CRHR1: variants seen among roughly 807,000 people sequenced by gnomAD.
CRHR1 encodes the protein corticotropin releasing hormone receptor 1.
A neutral mutation model predicts 56.0 loss-of-function variants in CRHR1; 28 were observed. That is an observed-to-expected ratio of 0.50 (90% CI 0.37 to 0.69). The LOEUF (loss-of-function observed/expected upper bound fraction) is 0.69. Ranked by LOEUF, CRHR1 falls within the 30% of genes least tolerant of loss-of-function variation. The pLI is 0.00. For missense variants in CRHR1, 376 were observed against 548.0 expected (o/e 0.69, Z 3.13); for synonymous variants, 195 against 216.5 (o/e 0.90, Z 0.87).
At chr17:45,793,634 C>T (rs1443934760) in intron 1 of CRHR1, among the ~76,000 whole-genome samples, 1 of 152,136 alleles carries the variant, frequency 6.6e-6, no homozygotes, top group African/African-American at 2.4e-5. Flanking sequence ...CGTCTTTTCT[C>T]TCCTGATGGC....
intron 4 of CRHR1, chr17:45,825,761 G>A (rs1490780401): frequency 1.3e-5 from 2 of 152,398 alleles, no homozygotes; most frequent in East Asian, 1.9e-4. Flanking sequence ...TTTGAGGATC[G>A]AGGGGCTGGA....
chr17:45,799,643 A>T (rs1318070067), intron 1 of CRHR1: 2 of 152,224 alleles, frequency 1.3e-5, no homozygotes, highest in Non-Finnish European at 2.9e-5. Flanking sequence ...TGGGGTCACC[A>T]GGTACATCTT....
At chr17:45,785,997 T>A (rs1353478479) in intron 1 of CRHR1, among the ~76,000 whole-genome samples, 1 of 152,088 alleles carries the variant, frequency 6.6e-6, no homozygotes, top group South Asian at 2.1e-4. Context: ...GGTCGAGTAG[T>A]TGGCACTGAA....
intron 1 of CRHR1, among the ~76,000 whole-genome samples, chr17:45,796,171 G>C (rs2061512898): frequency 6.6e-6 from 1 of 152,182 alleles, no homozygotes; most frequent in South Asian, 2.1e-4. Flanking sequence ...AGTGTCACCT[G>C]CGTAGCTGGT....
chr17:45,820,316 C>A (rs1320878130), intron 3 of CRHR1, among the ~76,000 whole-genome samples: 1 of 152,158 alleles, frequency 6.6e-6, no homozygotes, highest in Non-Finnish European at 1.5e-5. Flanking sequence ...GGTGGGGCAA[C>A]CTCTGCCAGC....
chr17:45,785,993 G>A (rs1161274623), intron 1 of CRHR1, among the ~76,000 whole-genome samples: 2 of 152,244 alleles, frequency 1.3e-5, no homozygotes, highest in African/African-American at 4.8e-5. Flanking sequence ...GAGAGGTCGA[G>A]TAGTTGGCAC....
In CRHR1 at chr17:45,835,152, G is replaced by A. The variant is rs2062412363; in HGVS notation, c.*388G>A. On this transcript the variant is annotated 3_prime_UTR_variant, in exon 13 of 13. Transcript: ENST00000314537. ...TGGGGCTGCCCTCGGCAACCGTGGGGAGGCCATTTGCTGCCCTGGGGCATC... is the reference window on the plus strand; with the variant it reads ...TGGGGCTGCCCTCGGCAACCGTGGGAAGGCCATTTGCTGCCCTGGGGCATC... 1 of 218,616 alleles carries A rather than the reference G, an allele frequency of 4.6e-6. No homozygotes were observed. The highest frequency in any genetic ancestry group is 5.4e-5 in the Admixed American group (1 of 18,426). 13.5% of individuals were successfully genotyped at this position (218,616 alleles called of 1,614,324 possible). A position where few individuals can be genotyped will look rare whatever the true frequency, so the allele number is the denominator to read the frequency against.
chr17:45,792,048 C>G (rs2061436458), intron 1 of CRHR1, among the ~76,000 whole-genome samples: 2 of 152,128 alleles, frequency 1.3e-5, no homozygotes, highest in Non-Finnish European at 2.9e-5. Context: ...AGGCTGACTT[C>G]CAGAGGAGCA....
Position 45,830,211 on chromosome 17 carries a change from C to T in CRHR1, c.552C>T (p.Asn184=), listed in dbSNP as rs774890290. The part of the protein sequence containing the change: ...LTMSPEVHQS[N]VGWCRLVTAA... Reference sequence around the variant, plus strand: ...TGAGCCCCGAGGTCCACCAGAGCAACGTGGTACGTCCTGGCAGGGGAGCGG... The same window carrying T: ...TGAGCCCCGAGGTCCACCAGAGCAATGTGGTACGTCCTGGCAGGGGAGCGG... The change falls in exon 6 of 13, where the codon AAC becomes AAT. Residue 184 remains asparagine, a synonymous_variant. Transcript: ENST00000314537. 37 of 1,613,958 alleles carry T rather than the reference C, an allele frequency of 2.3e-5. No homozygotes were observed. The highest frequency in any genetic ancestry group is 1.1e-4 in the East Asian group (5 of 44,884).
intron 2 of CRHR1, among the ~76,000 whole-genome samples, chr17:45,808,103 A>G (rs2061753058): frequency 6.6e-6 from 1 of 152,192 alleles, no homozygotes; most frequent in Admixed American, 6.5e-5. Flanking sequence ...TGAAGCACCT[A>G]CTACACAGCA....
chr17:45,820,403 G>A (rs1014975179), intron 3 of CRHR1, among the ~76,000 whole-genome samples: 4 of 152,148 alleles, frequency 2.6e-5, no homozygotes, highest in African/African-American at 9.7e-5. Context: ...CTCAAGCCTG[G>A]TAGGCATGAA....
intron 4 of CRHR1, among the ~76,000 whole-genome samples, chr17:45,821,860 G>A (rs1412173601): frequency 2.6e-5 from 4 of 152,216 alleles, no homozygotes; most frequent in Non-Finnish European, 5.9e-5. Context: ...GGACGGGATG[G>A]AGGTAGCAAT....
At chr17:45,828,250 T>C (rs1202543990) in intron 4 of CRHR1, among the ~76,000 whole-genome samples, 5 of 152,236 alleles carry the variant, frequency 3.3e-5, no homozygotes, top group Admixed American at 6.5e-5. Flanking sequence ...TCCCCTATTA[T>C]GGGCTGGGGA....
intron 1 of CRHR1, among the ~76,000 whole-genome samples, chr17:45,792,239 G>A (rs2061439857): frequency 6.6e-6 from 1 of 152,110 alleles, no homozygotes; most frequent in Admixed American, 6.5e-5. Context: ...TTGCGTCCTG[G>A]GCTTGGTCTT....
At chr17:45,812,485 C>T (rs966671773) in intron 2 of CRHR1, among the ~76,000 whole-genome samples, 6 of 152,154 alleles carry the variant, frequency 3.9e-5, no homozygotes, top group African/African-American at 1.4e-4. Flanking sequence ...AGGAAAATAC[C>T]TCCACCTGCC....
At chr17:45,802,345 T>G (rs1367830207) in intron 1 of CRHR1, among the ~76,000 whole-genome samples, 1 of 152,120 alleles carries the variant, frequency 6.6e-6, no homozygotes, top group African/African-American at 2.4e-5. Flanking sequence ...AACAAAAAAA[T>G]TCTCCATTTT....
rs141089466 is a variant in CRHR1, at chr17:45,830,084, G to A, written c.435-10G>A. 1.0e-3 allele frequency: 1,636 copies of A among 1,613,918 alleles called. 23 individuals are homozygous for A. The African/African-American group carries it at 0.02, about 20-fold the overall frequency. On this transcript the variant is annotated splice_polypyrimidine_tract_variant and intron_variant, in intron 5 of 12. Coordinates refer to ENST00000314537, the MANE Select transcript of CRHR1 (RefSeq NM_004382.5). ...ATCGCTCCCATCATCCACCCGCCCT[G>A]CTGCACCAGGAGCATCCGGTGCCTG...
In CRHR1 at chr17:45,834,886, C is replaced by A; in HGVS notation, c.*122C>A. Reference sequence around the variant, plus strand: ...CTCATGCCCACTCCCCCAGGAGCAGCTGGCACTGACAGCCTGGGGGGGCCG... The same window carrying A: ...CTCATGCCCACTCCCCCAGGAGCAGATGGCACTGACAGCCTGGGGGGGCCG... On this transcript the variant is annotated 3_prime_UTR_variant, in exon 13 of 13. Transcript: ENST00000314537. 1 of 1,355,910 alleles carries A rather than the reference C, an allele frequency of 7.4e-7. No homozygotes were observed. Among genetic ancestry groups the A allele is most frequent in the Non-Finnish European group, 1.0e-6 (1 of 990,554 alleles). The allele number at this position is 1,355,910 out of a possible 1,614,324, so 84.0% of individuals were successfully genotyped here.
chr17:45,827,382 G>A (rs1235623724), intron 4 of CRHR1, among the ~76,000 whole-genome samples: 1 of 152,226 alleles, frequency 6.6e-6, no homozygotes, highest in Non-Finnish European at 1.5e-5. Context: ...CTCCACACAT[G>A]TTGTCATTAC....
Sources: gnomAD v4.1 joint callset for allele counts (sites outside exome capture counted in the v4.1 genomes callset) on GRCh38, gnomAD v4.1.1 for gene constraint, MANE v1.5 for transcripts, NCBI Gene and HGNC (gene_info 2026-07-23, HGNC 2026-07-21) for gene names.